Variants in TAF12 observed in about 807,000 individuals in gnomAD.
TAF12 encodes the protein TATA-box binding protein associated factor 12.
A neutral mutation model predicts 20.8 loss-of-function variants in TAF12; 3 were observed. The observed-to-expected ratio is 0.14, with a 90% CI of 0.07 to 0.37. The LOEUF is 0.37. TAF12 is among the 10% of genes least tolerant of loss of function. The pLI is 1.00. For missense variants in TAF12, 131 were observed against 197.9 expected, an observed-to-expected ratio of 0.66 and a Z score of 2.03; for synonymous variants, 69 against 70.2, an observed-to-expected ratio of 0.98 and a Z score of 0.09.
In TAF12 at chr1:28,614,184, G is replaced by A. The variant is rs534584481; in HGVS notation, c.247-823C>T. Among the ~76,000 whole-genome samples, 19 of 152,234 alleles carry A rather than the reference G, an allele frequency of 1.2e-4. 1 individual carries two copies. Among genetic ancestry groups the A allele is most frequent in the Non-Finnish European group, 2.1e-4 (14 of 68,032 alleles). ...ACCTGGGAGGCGGAGGTTGCAGTGA[G>A]CTAAGATCGTGACACTGTACTCCAG... On this transcript the variant is annotated intron_variant, in intron 3 of 5. Transcript: ENST00000373824.
At chr1:28,626,577 G>T (rs1027802481) in intron 1 of TAF12, among the ~76,000 whole-genome samples, 3 of 129,184 alleles carry the variant, frequency 2.3e-5, no homozygotes, top group Non-Finnish European at 4.8e-5. Context: ...GTGAAACTCT[G>T]TCTCAAAAAA....
rs563631432 is a variant in TAF12, at chr1:28,629,432, G to A, written c.-84-7267C>T. On this transcript the variant is annotated intron_variant, in intron 1 of 5. Coordinates refer to ENST00000373824, the MANE Select transcript of TAF12 (RefSeq NM_005644.4). ...GCTCACTGCAACCTTGGCCTCCCGG[G>A]TTCAAGCAATTTTCCTGCCTCAGCC... 9.9e-5 allele frequency among the ~76,000 whole-genome samples: 15 copies of A among 152,184 alleles called. No individual in the cohort carries two copies. The South Asian group carries it at 3.1e-3, about 32-fold the overall frequency.
chr1:28,647,287 GT>G (rs920176326), upstream of TAF12, among the ~76,000 whole-genome samples: 9 of 135,314 alleles, frequency 6.7e-5, no homozygotes, highest in East Asian at 2.0e-4. Context: ...GTCACATATT[GT>G]TTTTTTTTTA....
chr1:28,627,636 T>A (rs1354942271), intron 1 of TAF12, among the ~76,000 whole-genome samples: 4 of 125,422 alleles, frequency 3.2e-5, no homozygotes, highest in African/African-American at 9.7e-5. Flanking sequence ...GAGCTTGCAG[T>A]GAGCCGAGAT....
chr1:28,616,067 C>T (rs1230039133), intron 3 of TAF12, among the ~76,000 whole-genome samples: 1 of 152,150 alleles, frequency 6.6e-6, no homozygotes, highest in Non-Finnish European at 1.5e-5. Context: ...ATCAATTATA[C>T]TTCAAATCAG....
chr1:28,636,678 G>A (rs902809085), intron 1 of TAF12, among the ~76,000 whole-genome samples: 3 of 151,814 alleles, frequency 2.0e-5, no homozygotes, highest in Non-Finnish European at 2.9e-5. Context: ...GCATGCAGCT[G>A]TGGTCCCAGC....
intron 1 of TAF12, chr1:28,624,143 A>G (rs1211026037): frequency 1.5e-5 from 4 of 273,904 alleles, no homozygotes; most frequent in African/African-American, 4.6e-5. Context: ...GTGGAGAAAT[A>G]TATCTCCTTT....
chr1:28,621,790 A>T (rs1011280375), intron 2 of TAF12, 124 bp downstream of exon 2: 9 of 1,418,712 alleles, frequency 6.3e-6, no homozygotes, highest in East Asian at 5.0e-5. Flanking sequence ...AATCCAAAAG[A>T]GGGAAAAGAC....
intron 4 of TAF12, 74 bp from the exon 5 acceptor site, chr1:28,605,534 G>A: frequency 7.1e-7 from 1 of 1,404,086 alleles, no homozygotes; most frequent in African/African-American, 1.4e-5. Context: ...GACCCCCTTG[G>A]ATCAGGGAGG....
At chr1:28,607,979 A>ATACAAAAT (rs1342767095) in intron 4 of TAF12, among the ~76,000 whole-genome samples, 1 of 152,010 alleles carries the variant, frequency 6.6e-6, no homozygotes, top group Non-Finnish European at 1.5e-5. Flanking sequence ...TCTACTAAAA[A>ATACAAAAT]TACAAAAATT....
intron 4 of TAF12, among the ~76,000 whole-genome samples, chr1:28,609,747 A>G (rs1245934536): frequency 1.3e-5 from 2 of 152,018 alleles, no homozygotes; most frequent in African/African-American, 4.8e-5. Context: ...TTGGCCTCCC[A>G]AAGTGCTGGG....
chr1:28,603,470 G>T lies in TAF12; in HGVS notation c.*69C>A. The T allele has an allele frequency of 1.3e-6, 2 of 1,532,444 alleles. No homozygotes were observed. Among genetic ancestry groups the T allele is most frequent in the Non-Finnish European group, 1.8e-6 (2 of 1,111,996 alleles). 94.9% of individuals were successfully genotyped at this position (1,532,444 alleles called of 1,614,324 possible). ...GCATTAAAAAAAAAAATCCAAGGAT[G>T]AGATGGCTGAGTTCTCAGCTCAAGT... On this transcript the variant is annotated 3_prime_UTR_variant, in exon 6 of 6. Coordinates refer to ENST00000373824, the MANE Select transcript of TAF12 (RefSeq NM_005644.4).
At chr1:28,641,992 G>GAGTTTTTAA (rs1668050732) in intron 1 of TAF12, among the ~76,000 whole-genome samples, 1 of 152,042 alleles carries the variant, frequency 6.6e-6, no homozygotes, top group Admixed American at 6.6e-5. Flanking sequence ...TGTAAAATAG[G>GAGTTTTTAA]AGTTTTTAAA....
At chr1:28,605,677 G>T in intron 4 of TAF12, among the ~76,000 whole-genome samples, 1 of 152,160 alleles carries the variant, frequency 6.6e-6, no homozygotes, top group Non-Finnish European at 1.5e-5. Flanking sequence ...CCAGAGTGGG[G>T]TGCAGTGGCA....
At chr1:28,614,171 G>A (rs920944760) in intron 3 of TAF12, among the ~76,000 whole-genome samples, 5 of 152,134 alleles carry the variant, frequency 3.3e-5, no homozygotes, top group African/African-American at 1.2e-4. Context: ...CTGGGAGGCG[G>A]AGGTTGCAGT....
At chr1:28,605,171 A>G (rs907308727) in intron 5 of TAF12, among the ~76,000 whole-genome samples, 1 of 152,186 alleles carries the variant, frequency 6.6e-6, no homozygotes, top group Non-Finnish European at 1.5e-5. Flanking sequence ...ACATGTGGGA[A>G]CAGCACAGCA....
At position 28,605,432 on chromosome 1, in the gene TAF12, T is replaced by G; in HGVS notation, c.390A>C (p.Gly130=). The part of the protein sequence containing the change: ...LERQWNMWIP[G]FGSEEIRPYK... ...AGGGTCGGATTTCTTCAGAGCCAAA[T>G]CCTGGGATCCACATGTTCCACTGGC... Residue 130 remains glycine (G), a synonymous_variant, in exon 5 of 6, where the codon GGA becomes GGC. Coordinates refer to ENST00000373824, the MANE Select transcript of TAF12 (RefSeq NM_005644.4). 6.2e-7 allele frequency: 1 copy of G among 1,614,028 alleles called. No individual in the cohort carries two copies. The highest frequency in any genetic ancestry group is 8.5e-7 in the Non-Finnish European group (1 of 1,179,994).
chr1:28,641,500 A>C (rs1383812842), intron 1 of TAF12, among the ~76,000 whole-genome samples: 2 of 151,820 alleles, frequency 1.3e-5, no homozygotes, highest in East Asian at 1.9e-4. Context: ...CAAAACAAAA[A>C]CAAAAACTGC....
chr1:28,640,472 C>CT (rs1667995447), intron 1 of TAF12, among the ~76,000 whole-genome samples: 1 of 152,134 alleles, frequency 6.6e-6, no homozygotes, highest in African/African-American at 2.4e-5. Context: ...GGTTGGGTCA[C>CT]TGTGTGATTT....
Sources: gnomAD v4.1 joint callset for allele counts (sites outside exome capture counted in the v4.1 genomes callset) on GRCh38, gnomAD v4.1.1 for gene constraint, MANE v1.5 for transcripts, NCBI Gene and HGNC (gene_info 2026-07-23, HGNC 2026-07-21) for gene names.